The following TEPSIN variants were observed in gnomAD, a reference collection of about 807,000 sequenced individuals.
TEPSIN encodes the protein TEPSIN adaptor related protein complex 4 accessory protein.
TEPSIN carries 50 observed loss-of-function variants against 48.5 expected under a neutral mutation model. The ratio of observed to expected loss-of-function variants is 1.03; its 90% CI spans 0.82 to 1.31. TEPSIN has a LOEUF of 1.31. Among genes scored for constraint, TEPSIN ranks in the 50% most tolerant of loss-of-function variants. The pLI is 0.00. For synonymous variants in TEPSIN, 392 were observed against 358.8 expected, an observed-to-expected ratio of 1.09 and a Z score of -1.05; for missense variants, 838 against 815.9, an observed-to-expected ratio of 1.03 and a Z score of -0.33.
Position 81,229,245 on chromosome 17 carries a change from C to T in TEPSIN, c.1465G>A (p.Asp489Asn), listed in dbSNP as rs199578515. The T allele has an allele frequency of 2.1e-4, 168 of 816,760 alleles. 1 individual carries two copies. Among genetic ancestry groups the T allele is most frequent in the Admixed American group, 6.4e-4 (16 of 24,978 alleles). 50.6% of individuals were successfully genotyped at this position (816,760 alleles called of 1,614,324 possible). The part of the protein sequence containing the change: ...PSSPVPTPPP[D>N]ASPIPAPGDP... ...CCGGGGGCTGGAATGGGGGAGGCAT[C>T]TGGGGGTGGGGTGGGCACAGGGCTG... Residue 489 changes from aspartate (D) to asparagine (N), a missense_variant, in exon 13 of 13, where the codon GAT (aspartate) becomes AAT (asparagine). Transcript: ENST00000637944.
At chr17:81,232,636 C>T in intron 7 of TEPSIN, 118 bp from the exon 8 acceptor site, 1 of 978,630 alleles carries the variant, frequency 1.0e-6, no homozygotes, top group Non-Finnish European at 1.5e-6. Flanking sequence ...GGGGTACATG[C>T]TGCAGGTAGG....
In TEPSIN at chr17:81,231,426, A is replaced by G. The variant is rs757208029; in HGVS notation, c.1070T>C (p.Leu357Pro). The change falls in exon 11 of 13, where the codon CTG becomes CCG. Residue 357 changes from leucine (L) to proline (P), a missense_variant. By Grantham distance (98) the Leu-to-Pro change is moderately conservative. Transcript: ENST00000637944. The part of the protein sequence containing the change: ...EAVLQLLTCH[L>P]RGTSECTQLR... ...CTGCGTGCATTCACTGGTCCCACGC[A>G]GGTGGCAGGTCAGCAGCTGCAGCAC... 1.3e-6 allele frequency: 2 copies of G among 1,561,770 alleles called. No individual in the cohort carries two copies. Among genetic ancestry groups the G allele is most frequent in the East Asian group, 2.4e-5 (1 of 41,768 alleles).
chr17:81,231,425 C>T lies in TEPSIN; in HGVS notation c.1071G>A (p.Leu357=), dbSNP rs146070114. ...GCTGCGTGCATTCACTGGTCCCACG[C>T]AGGTGGCAGGTCAGCAGCTGCAGCA... ...EAVLQLLTCH[L]RGTSECTQLR... The change falls in exon 11 of 13, where the codon CTG becomes CTA. Residue 357 remains leucine (L), a synonymous_variant. Coordinates refer to ENST00000637944, the MANE Select transcript of TEPSIN (RefSeq NM_001363764.2). The T allele has an allele frequency of 6.4e-6, 10 of 1,560,978 alleles. No individual in the cohort carries two copies. In the African/African-American group the frequency reaches 1.2e-4, roughly 19 times the overall value.
At position 81,231,962 on chromosome 17, in the gene TEPSIN, TG is replaced by T; in HGVS notation, c.789del (p.Ser264AlafsTer11). The T allele has an allele frequency of 6.2e-7, 1 of 1,613,234 alleles. No individual in the cohort carries two copies. On this transcript the variant is annotated frameshift_variant, in exon 9 of 13. Coordinates refer to ENST00000637944, the MANE Select transcript of TEPSIN (RefSeq NM_001363764.2). LOFTEE classifies it high-confidence loss of function. ...GGGWDELDSG[P>X]SSQNSSQNSD... ...CTGTTCTGGGAGGAATTCTGAGAGC[TG>T]GGGCCGCTGTCCAGCTCATCCCAGC...
intron 1 of TEPSIN, chr17:81,237,749 A>C (rs1229307057): frequency 6.1e-6 from 3 of 494,868 alleles, no homozygotes; most frequent in Admixed American, 7.6e-5. Context: ...GCCTCCCTGC[A>C]CTTACCAGCA....
At chr17:81,231,344 C>CGCACACAGGCACAT in intron 11 of TEPSIN, 54 bp downstream of exon 11, 1 of 1,466,702 alleles carries the variant, frequency 6.8e-7, no homozygotes, top group Non-Finnish European at 9.1e-7. Context: ...CGCACACACA[C>CGCACACAGGCACAT]GCACACAGGC....
chr17:81,237,006 T>G lies in TEPSIN; in HGVS notation c.187A>C (p.Ser63Arg). Residue 63 changes from serine (S) to arginine (R), a missense_variant, in exon 3 of 13, where the codon AGC (serine) becomes CGC (arginine). By Grantham distance (110) the Ser-to-Arg change is moderately radical. Transcript: ENST00000637944. The stretch of plus-strand genomic sequence containing the variant: ...TTGAGCTTCCCGTGGCCGGAGCTGC[T>G]GTGCAGGCGGCTCAGGAGGTACTCC... ...LLEYLLSRLH[S>R]SSGHGKLKVL... The G allele has an allele frequency of 6.3e-7, 1 of 1,593,830 alleles. No homozygotes were observed. The highest frequency in any genetic ancestry group is 1.1e-5 in the South Asian group (1 of 88,080).
intron 11 of TEPSIN, 174 bp downstream of exon 11, chr17:81,231,224 C>G (rs200927211): frequency 1.5e-6 from 1 of 658,488 alleles, no homozygotes; most frequent in East Asian, 2.7e-5. Context: ...CATACATACA[C>G]AGGCATACAC....
rs771245458 is a variant in TEPSIN at position 81,237,021 on chromosome 17, G to C, written c.172C>G (p.Leu58Val). Reference sequence around the variant, plus strand: ...CCGGAGCTGCTGTGCAGGCGGCTCAGGAGGTACTCCAGCAGGCACTGGCTG... The same window carrying C: ...CCGGAGCTGCTGTGCAGGCGGCTCACGAGGTACTCCAGCAGGCACTGGCTG... ...GSSQCLLEYL[L>V]SRLHSSSGHG... The change falls in exon 3 of 13, where the codon CTG becomes GTG. Residue 58 changes from leucine to valine, a missense_variant. Transcript: ENST00000637944. 3.1e-6 allele frequency: 5 copies of C among 1,598,112 alleles called. No individual in the cohort carries two copies. The Admixed American group carries it at 8.6e-5, about 27-fold the overall frequency.
At chr17:81,232,184 T>C (rs2062628097) in intron 8 of TEPSIN, 131 bp downstream of exon 8, 6 of 1,313,102 alleles carry the variant, frequency 4.6e-6, no homozygotes, top group Non-Finnish European at 6.1e-6. Context: ...CATGGGCATG[T>C]GCTTCCGCCG....
intron 1 of TEPSIN, chr17:81,238,781 T>TCCGGCTTGGAAGGC (rs1209147159): frequency 4.1e-5 from 54 of 1,313,520 alleles, no homozygotes; most frequent in African/African-American, 2.0e-4. Context: ...GCTCGGCGGG[T>TCCGGCTTGGAAGGC]CCGGCTTGGA....
intron 2 of TEPSIN, 126 bp from the exon 3 acceptor site, chr17:81,237,197 G>A (rs1429459191): frequency 1.7e-6 from 2 of 1,192,334 alleles, no homozygotes; most frequent in African/African-American, 1.5e-5. Context: ...CTGCCATCAG[G>A]AGCACCTGGG....
At position 81,233,226 on chromosome 17, in the gene TEPSIN, A is replaced by G; in HGVS notation, c.526+206T>C. 1.6e-6 allele frequency: 1 copy of G among 628,478 alleles called. No homozygotes were observed. Among genetic ancestry groups the G allele is most frequent in the South Asian group, 2.0e-5 (1 of 49,540 alleles). The allele number at this position is 628,478 out of a possible 1,614,324, so 38.9% of individuals were successfully genotyped here. On this transcript the variant is annotated intron_variant, in intron 7 of 12. Transcript: ENST00000637944. The surrounding 1 kb of genome is among the most constrained non-coding windows in gnomAD (Gnocchi z 5.8). ...TCGGCCTGGTTTCTCTCATCTGTCCATAAAGCAGCCCTGGCCACACCTGCC... is the reference window on the plus strand; with the variant it reads ...TCGGCCTGGTTTCTCTCATCTGTCCGTAAAGCAGCCCTGGCCACACCTGCC...
chr17:81,238,455 G>A (rs1253191760), intron 1 of TEPSIN: 1 of 336,376 alleles, frequency 3.0e-6, no homozygotes, highest in Non-Finnish European at 4.2e-6. Context: ...TGCTCAGGAC[G>A]ACACCTGGGA....
Position 81,232,026 on chromosome 17 carries a change from A to G in TEPSIN, c.731-5T>C. 1 of 1,606,008 alleles carries G rather than the reference A, an allele frequency of 6.2e-7. No homozygotes were observed. The highest frequency in any genetic ancestry group is 8.5e-7 in the Non-Finnish European group (1 of 1,179,260). On this transcript the variant is annotated splice_region_variant and splice_polypyrimidine_tract_variant and intron_variant, in intron 8 of 12. Coordinates refer to ENST00000637944, the MANE Select transcript of TEPSIN (RefSeq NM_001363764.2). ...GCCCAGGCTGATGCCTCACAGCTGG[A>G]GGAAACAGGACAGCCGGTGAGATCC...
rs1339948719 is a variant in TEPSIN, at chr17:81,234,502, T to A, written c.308-454A>T. Among the ~76,000 whole-genome samples the A allele has an allele frequency of 6.6e-6, 1 of 152,096 alleles. No homozygotes were observed. Among genetic ancestry groups the A allele is most frequent in the African/African-American group, 2.4e-5 (1 of 41,406 alleles). The stretch of plus-strand genomic sequence containing the variant: ...CCTGCTCTGAGAGTTCCTGTCATGA[T>A]GAACTGGGGCTTCTTTCCTTAAATC... On this transcript the variant is annotated intron_variant, in intron 4 of 12. Coordinates refer to ENST00000637944, the MANE Select transcript of TEPSIN (RefSeq NM_001363764.2). The surrounding 1 kb of genome is among the most constrained non-coding windows in gnomAD (Gnocchi z 5.4).
At chr17:81,236,404 C>CGGGGCA (rs2146849683) in intron 4 of TEPSIN, among the ~76,000 whole-genome samples, 1 of 152,282 alleles carries the variant, frequency 6.6e-6, no homozygotes, top group African/African-American at 2.4e-5. Context: ...AACTGGCACC[C>CGGGGCA]GGGGCAGCAA....
At chr17:81,237,323 T>G in intron 2 of TEPSIN, 64 bp downstream of exon 2, 1 of 1,549,906 alleles carries the variant, frequency 6.5e-7, no homozygotes, top group East Asian at 2.3e-5. Flanking sequence ...CAGGAACCCT[T>G]TGCACCACTC....
chr17:81,229,637 C>T, intron 12 of TEPSIN, 161 bp from the exon 13 acceptor site: 1 of 724,626 alleles, frequency 1.4e-6, no homozygotes, highest in Non-Finnish European at 2.3e-6. Context: ...GGCAGTGCAC[C>T]CAGTTGTCAT....
Sources: allele counts gnomAD v4.1 joint callset (sites outside exome capture counted in the v4.1 genomes callset), GRCh38; gene constraint gnomAD v4.1.1; non-coding constraint Gnocchi (gnomAD v3.1); transcripts MANE v1.5; gene names NCBI Gene and HGNC (gene_info 2026-07-23, HGNC 2026-07-21).